Variants in SAMD12 observed in about 807,000 individuals in gnomAD.
The protein encoded by SAMD12 is sterile alpha motif domain-containing protein 12.
Under a neutral mutation model 15.0 loss-of-function variants are expected in SAMD12, and 9 were observed. The observed-to-expected ratio is 0.60, with a 90% CI of 0.36 to 1.05. The LOEUF is 1.05. Among genes scored for constraint, SAMD12 ranks in the 50% least tolerant of loss-of-function variants. The pLI is 0.01. For missense variants in SAMD12, 230 were observed against 234.2 expected (o/e 0.98, Z 0.12); for synonymous variants, 86 against 90.1 (o/e 0.96, Z 0.25).
At chr8:118,594,258 T>C (rs954917477) in intron 1 of SAMD12, among the ~76,000 whole-genome samples, 1 of 152,112 alleles carries the variant, frequency 6.6e-6, no homozygotes, top group Non-Finnish European at 1.5e-5. Context: ...CTCTGTAAGC[T>C]TTCCATTGGC....
intron 4 of SAMD12, among the ~76,000 whole-genome samples, chr8:118,262,112 C>G (rs1813092072): frequency 6.6e-6 from 1 of 152,016 alleles, no homozygotes; most frequent in African/African-American, 2.4e-5. Context: ...TCAGAAGTCA[C>G]AGGCTGGAAC....
chr8:118,289,012 T>C (rs1814213197), intron 4 of SAMD12, among the ~76,000 whole-genome samples: 1 of 152,238 alleles, frequency 6.6e-6, no homozygotes, highest in Non-Finnish European at 1.5e-5. Context: ...AAACACAGTA[T>C]TGTTTTTCTG....
chr8:118,417,402 A>G (rs1243594923), intron 3 of SAMD12, among the ~76,000 whole-genome samples: 1 of 152,146 alleles, frequency 6.6e-6, no homozygotes, highest in East Asian at 1.9e-4. Flanking sequence ...TTTTTGAAAG[A>G]AGGAGCCCAA....
At chr8:118,157,103 T>C in the SAMD12 span, among the ~76,000 whole-genome samples, 1 of 150,826 alleles carries the variant, frequency 6.6e-6, no homozygotes, top group Non-Finnish European at 1.5e-5. Flanking sequence ...AGTCATGCTT[T>C]TTTAGAGCTA....
At chr8:118,172,189 G>A in the SAMD12 span, among the ~76,000 whole-genome samples, 1 of 152,090 alleles carries the variant, frequency 6.6e-6, no homozygotes, top group African/African-American at 2.4e-5. Flanking sequence ...CACCAACATG[G>A]CACATGTATA....
At chr8:118,499,814 G>A (rs985808992) in intron 2 of SAMD12, among the ~76,000 whole-genome samples, 1 of 152,128 alleles carries the variant, frequency 6.6e-6, no homozygotes, top group Admixed American at 6.6e-5. Context: ...AAAAATTAAA[G>A]ATGCTCACTT....
chr8:118,225,778 C>A (rs971807882), intron 4 of SAMD12, among the ~76,000 whole-genome samples: 3 of 152,250 alleles, frequency 2.0e-5, no homozygotes, highest in South Asian at 2.1e-4. Context: ...CAGGGACAGG[C>A]CAAGCGCAGC....
intron 4 of SAMD12, among the ~76,000 whole-genome samples, chr8:118,344,786 C>T (rs1024684088): frequency 6.6e-6 from 1 of 152,080 alleles, no homozygotes; most frequent in African/African-American, 2.4e-5. Flanking sequence ...ATCACTGGGT[C>T]TTGGATGTAC....
At chr8:118,451,555 A>T (rs575971125) in intron 2 of SAMD12, among the ~76,000 whole-genome samples, 6 of 140,400 alleles carry the variant, frequency 4.3e-5, no homozygotes, top group African/African-American at 1.9e-4. Flanking sequence ...AGATCAAATC[A>T]AATAATCAAA....
At chr8:118,415,135 A>G (rs1390999972) in intron 3 of SAMD12, among the ~76,000 whole-genome samples, 1 of 152,130 alleles carries the variant, frequency 6.6e-6, no homozygotes, top group Non-Finnish European at 1.5e-5. Flanking sequence ...GCCTGTGTGA[A>G]AGCTCCCCCT....
intron 1 of SAMD12, among the ~76,000 whole-genome samples, chr8:118,616,208 G>C (rs1280022055): frequency 6.6e-6 from 1 of 152,184 alleles, no homozygotes; most frequent in Non-Finnish European, 1.5e-5. Flanking sequence ...CTTGTCCATC[G>C]TCTCACTGCT....
intron 2 of SAMD12, among the ~76,000 whole-genome samples, chr8:118,489,897 T>C (rs571097227): frequency 6.6e-6 from 1 of 152,254 alleles, no homozygotes; most frequent in South Asian, 2.1e-4. Context: ...ATTGAGATCC[T>C]GGTGGACTCT....
At chr8:118,226,143 C>A (rs1239087079) in intron 4 of SAMD12, among the ~76,000 whole-genome samples, 1 of 152,154 alleles carries the variant, frequency 6.6e-6, no homozygotes, top group African/African-American at 2.4e-5. Context: ...CCTCACAAAC[C>A]ATTTGTACAC....
At chr8:118,163,278 C>G in the SAMD12 span, among the ~76,000 whole-genome samples, 21 of 152,252 alleles carry the variant, frequency 1.4e-4, no homozygotes, top group African/African-American at 4.8e-4. Context: ...TGGGGACTCC[C>G]TCTGTTGCCC....
chr8:118,537,050 C>G (rs546733914), intron 2 of SAMD12, among the ~76,000 whole-genome samples: 81 of 152,298 alleles, frequency 5.3e-4, no homozygotes, highest in Non-Finnish European at 1.0e-3. Context: ...GCTGGATATA[C>G]TATTCTAGGA....
the SAMD12 span, among the ~76,000 whole-genome samples, chr8:118,165,112 G>C: frequency 1.3e-5 from 2 of 151,960 alleles, no homozygotes; most frequent in Admixed American, 6.6e-5. Flanking sequence ...CAGGTTAAGG[G>C]CTCACAACCA....
At chr8:118,149,986 T>C in the SAMD12 span, among the ~76,000 whole-genome samples, 1 of 152,220 alleles carries the variant, frequency 6.6e-6, no homozygotes, top group Non-Finnish European at 1.5e-5. Flanking sequence ...ATCCCAGTGA[T>C]TCTCCACTGA....
chr8:118,352,518 A>AT (rs1818005846), intron 4 of SAMD12, among the ~76,000 whole-genome samples: 1 of 152,220 alleles, frequency 6.6e-6, no homozygotes, highest in Non-Finnish European at 1.5e-5. Flanking sequence ...CCATTCTTAC[A>AT]GATGCCAATA....
the SAMD12 span, among the ~76,000 whole-genome samples, chr8:118,160,133 G>A: frequency 6.6e-6 from 1 of 152,062 alleles, no homozygotes; most frequent in African/African-American, 2.4e-5. Context: ...AAAATATATA[G>A]CATCCAACAA....
Sources: allele counts gnomAD v4.1 joint callset (sites outside exome capture counted in the v4.1 genomes callset), GRCh38; gene constraint gnomAD v4.1.1; transcripts MANE v1.5; gene names NCBI Gene and HGNC (gene_info 2026-07-23, HGNC 2026-07-21).